FOXP1: variants seen among roughly 807,000 people sequenced by gnomAD.
FOXP1 encodes forkhead box P1.
FOXP1 carries 15 observed loss-of-function variants against 98.2 expected under a neutral mutation model. The ratio of observed to expected loss-of-function variants is 0.15; its 90% confidence interval spans 0.10 to 0.24. FOXP1 has a LOEUF of 0.24. Among genes scored for constraint, FOXP1 ranks in the 10% least tolerant of loss-of-function variants. The pLI, the probability that FOXP1 is intolerant of heterozygous loss-of-function variation, is 1.00. For synonymous variants in FOXP1, 371 were observed against 314.5 expected (o/e 1.18, Z -1.90); for missense variants, 633 against 848.5 (o/e 0.75, Z 3.15).
intron 4 of FOXP1, among the ~76,000 whole-genome samples, chr3:71,338,654 C>T (rs1289743840): frequency 6.6e-6 from 1 of 152,006 alleles, no homozygotes; most frequent in South Asian, 2.1e-4. Context: ...TGGTCTCGAA[C>T]TCCTGAACCC....
At chr3:71,099,194 T>C (rs1178129819) in intron 7 of FOXP1, among the ~76,000 whole-genome samples, 2 of 152,130 alleles carry the variant, frequency 1.3e-5, no homozygotes, top group Non-Finnish European at 2.9e-5. Flanking sequence ...AACTTGGAAT[T>C]TACTAGGTTA....
At chr3:71,175,887 A>T (rs989213237) in intron 6 of FOXP1, among the ~76,000 whole-genome samples, 1 of 152,300 alleles carries the variant, frequency 6.6e-6, no homozygotes, top group Admixed American at 6.5e-5. Flanking sequence ...TATGTGAGCA[A>T]AGCAGGTGAG....
Position 70,958,678 on chromosome 3 carries a change from T to A in FOXP1, c.*569A>T. The A allele has an allele frequency of 5.2e-6, 1 of 194,066 alleles. No individual in the cohort carries two copies. The allele number at this position is 194,066 out of a possible 1,614,324, so 12.0% of individuals were successfully genotyped here. On this transcript the variant is annotated 3_prime_UTR_variant, in exon 21 of 21. Coordinates refer to ENST00000649528, the MANE Select transcript of FOXP1 (RefSeq NM_001349338.3). ...AATACATTAAAAAGTTTGGGATAAT[T>A]ATTTTTTAACCCCTCCCCCCAATAC... is the stretch of plus-strand genomic sequence containing the variant.
chr3:71,131,520 G>A (rs1489171461), intron 6 of FOXP1, among the ~76,000 whole-genome samples: 1 of 152,088 alleles, frequency 6.6e-6, no homozygotes, highest in Non-Finnish European at 1.5e-5. Flanking sequence ...TGGAATGCTG[G>A]ACTGTCTGTC....
At chr3:71,556,838 A>G (rs1301917762) in intron 2 of FOXP1, among the ~76,000 whole-genome samples, 1 of 152,170 alleles carries the variant, frequency 6.6e-6, no homozygotes, top group East Asian at 1.9e-4. Context: ...TGTATGTACT[A>G]CAATGTTCAC....
intron 2 of FOXP1, among the ~76,000 whole-genome samples, chr3:71,569,540 T>C (rs2047169257): frequency 6.6e-6 from 1 of 152,190 alleles, no homozygotes; most frequent in Admixed American, 6.5e-5. Context: ...TGGAAAATAC[T>C]CTGCTACAGA....
chr3:71,497,696 A>G (rs1017834859), intron 2 of FOXP1, among the ~76,000 whole-genome samples: 3 of 152,168 alleles, frequency 2.0e-5, no homozygotes, highest in African/African-American at 7.2e-5. Flanking sequence ...TTGCTCTCTG[A>G]CTACTTTAGG....
At chr3:71,116,712 G>C (rs571887011) in intron 6 of FOXP1, among the ~76,000 whole-genome samples, 66 of 152,274 alleles carry the variant, frequency 4.3e-4, no homozygotes, top group African/African-American at 1.5e-3. Context: ...AACATGCTTT[G>C]AAATCAACCA....
At chr3:71,268,096 T>C (rs1315786191) in intron 5 of FOXP1, among the ~76,000 whole-genome samples, 1 of 141,674 alleles carries the variant, frequency 7.1e-6, no homozygotes, top group African/African-American at 2.6e-5. Context: ...TTTTCTTTTT[T>C]TTTTTTTTTT....
chr3:71,347,401 T>C (rs1400356468), intron 4 of FOXP1, among the ~76,000 whole-genome samples: 2 of 152,196 alleles, frequency 1.3e-5, no homozygotes, highest in African/African-American at 4.8e-5. Flanking sequence ...TCCACTTCCA[T>C]TCTGACTTAA....
chr3:71,069,572 C>T (rs2052967492), intron 7 of FOXP1, among the ~76,000 whole-genome samples: 1 of 152,126 alleles, frequency 6.6e-6, no homozygotes, highest in South Asian at 2.1e-4. Flanking sequence ...TGAAAAGGTA[C>T]ATGTTTTGGG....
At chr3:71,372,342 T>G (rs1278085441) in intron 3 of FOXP1, among the ~76,000 whole-genome samples, 1 of 152,106 alleles carries the variant, frequency 6.6e-6, no homozygotes, top group Non-Finnish European at 1.5e-5. Context: ...CTTTAAGTCT[T>G]AAATAGAAAG....
At chr3:71,137,758 A>T (rs2059890719) in intron 6 of FOXP1, among the ~76,000 whole-genome samples, 1 of 151,042 alleles carries the variant, frequency 6.6e-6, no homozygotes, top group South Asian at 2.1e-4. Flanking sequence ...CCTACCAAAA[A>T]ATCCAAAAGA....
At chr3:71,127,607 G>C (rs1219822128) in intron 6 of FOXP1, among the ~76,000 whole-genome samples, 1 of 152,150 alleles carries the variant, frequency 6.6e-6, no homozygotes, top group Non-Finnish European at 1.5e-5. Flanking sequence ...CCTGTGGTCA[G>C]GGCTGACTAT....
Position 71,299,045 on chromosome 3 carries a change from C to A in FOXP1, c.-12+775G>T, listed in dbSNP as rs192714013. ...TGAGAAATATCAGATGTTAAAACGA[C>A]CGGCAGGATCATCTTCTGTAAGATG... On this transcript the variant is annotated intron_variant, in intron 5 of 20. Transcript: ENST00000649528. 2.6e-5 allele frequency among the ~76,000 whole-genome samples: 4 copies of A among 152,272 alleles called. No homozygotes were observed. The East Asian group carries it at 7.7e-4, about 29-fold the overall frequency.
chr3:71,088,540 G>T (rs2055417498), intron 7 of FOXP1, among the ~76,000 whole-genome samples: 2 of 151,858 alleles, frequency 1.3e-5, no homozygotes, highest in Non-Finnish European at 2.9e-5. Context: ...GATGTTTGTT[G>T]AACAGGGAAT....
At chr3:71,091,129 G>GTGTGTGTGTGTGTGTGTATA (rs3064142) in intron 7 of FOXP1, among the ~76,000 whole-genome samples, 11 of 122,392 alleles carry the variant, frequency 9.0e-5, no homozygotes, top group South Asian at 3.4e-4. Context: ...GTGTGTGTGT[G>GTGTGTGTGTGTGTGTGTATA]TGTATTCTTA....
intron 4 of FOXP1, among the ~76,000 whole-genome samples, chr3:71,349,145 T>C (rs1310511773): frequency 6.7e-6 from 1 of 149,902 alleles, no homozygotes; most frequent in Non-Finnish European, 1.5e-5. Flanking sequence ...CCATCATATT[T>C]GTATAATCAA....
chr3:71,120,760 C>T (rs963797651), intron 6 of FOXP1, among the ~76,000 whole-genome samples: 1 of 152,176 alleles, frequency 6.6e-6, no homozygotes, highest in African/African-American at 2.4e-5. Context: ...ACCACTTTAT[C>T]ACCCCACACC....
Sources: gnomAD v4.1 joint callset for allele counts (sites outside exome capture counted in the v4.1 genomes callset) on GRCh38, gnomAD v4.1.1 for gene constraint, MANE v1.5 for transcripts, NCBI Gene and HGNC (gene_info 2026-07-23, HGNC 2026-07-21) for gene names.